SCN8A: variants seen among roughly 807,000 people sequenced by gnomAD.
The protein encoded by SCN8A is sodium channel protein type 8 subunit alpha.
Under a neutral mutation model 184.1 loss-of-function variants are expected in SCN8A, and 30 were observed. The ratio of observed to expected loss-of-function variants is 0.16; its 90% CI spans 0.12 to 0.22. SCN8A has a LOEUF of 0.22. Ranked by LOEUF, SCN8A falls within the 10% of genes least tolerant of loss-of-function variation. SCN8A has a pLI of 1.00. For synonymous variants in SCN8A, 852 were observed against 907.0 expected (o/e 0.94, Z 1.09); for missense variants, 1,057 against 2,498.9 (o/e 0.42, Z 12.30).
rs1197645974 is a variant in SCN8A, at chr12:51,645,965, AT to A, written c.-54-16798del. Among the ~76,000 whole-genome samples, 9 of 139,186 alleles carry A rather than the reference AT, an allele frequency of 6.5e-5. No individual in the cohort carries two copies. In the Middle Eastern group the frequency reaches 0.011, roughly 165 times the overall value. The allele number at this position is 139,186 out of a possible 152,430, so 91.3% of individuals were successfully genotyped here. On this transcript the variant is annotated intron_variant, in intron 1 of 26. Coordinates refer to ENST00000627620, the MANE Select transcript of SCN8A (RefSeq NM_001330260.2). ...AATGATCAATTAAAAAAAAAAAAAA[AT>A]AATAATAAAATAAAATTAAATAAAA...
intron 26 of SCN8A, among the ~76,000 whole-genome samples, chr12:51,795,071 G>C (rs2138920473): frequency 6.6e-6 from 1 of 152,292 alleles, no homozygotes; most frequent in East Asian, 1.9e-4. Flanking sequence ...TAGTGCTGCT[G>C]TTACTGGCAG....
In SCN8A at chr12:51,659,642, G is replaced by A. The variant is rs188656782; in HGVS notation, c.-54-3122G>A. 1.8e-4 allele frequency among the ~76,000 whole-genome samples: 28 copies of A among 152,256 alleles called. 2 individuals are homozygous for A. The East Asian group carries it at 5.2e-3, about 28-fold the overall frequency. On this transcript the variant is annotated intron_variant, in intron 1 of 26. Coordinates refer to ENST00000627620, the MANE Select transcript of SCN8A (RefSeq NM_001330260.2). Reference sequence around the variant, plus strand: ...GAGGGAGGGAAATGACTTAATGAAAGCAGATTTTTAGGGAAATGGATCCTT... The same window carrying A: ...GAGGGAGGGAAATGACTTAATGAAAACAGATTTTTAGGGAAATGGATCCTT...
At chr12:51,603,338 G>A (rs1939510276) in intron 1 of SCN8A, among the ~76,000 whole-genome samples, 1 of 152,136 alleles carries the variant, frequency 6.6e-6, no homozygotes, top group Non-Finnish European at 1.5e-5. Flanking sequence ...CCATGTTGTT[G>A]TATTTTTCAA....
intron 2 of SCN8A, among the ~76,000 whole-genome samples, chr12:51,674,706 G>A (rs1009607691): frequency 1.3e-5 from 2 of 152,208 alleles, no homozygotes; most frequent in South Asian, 2.1e-4. Context: ...AGTACTGTGT[G>A]ATAGCAGTGG....
chr12:51,628,716 C>T (rs1424081527), intron 1 of SCN8A, among the ~76,000 whole-genome samples: 5 of 152,180 alleles, frequency 3.3e-5, no homozygotes, highest in South Asian at 2.1e-4. Flanking sequence ...CAATTTGGTA[C>T]TTCCACCCTG....
intron 2 of SCN8A, among the ~76,000 whole-genome samples, chr12:51,679,185 A>C (rs1051897009): frequency 6.6e-6 from 1 of 152,116 alleles, no homozygotes; most frequent in Non-Finnish European, 1.5e-5. Flanking sequence ...GGAGGATTGC[A>C]TGAGGCCAGG....
At chr12:51,634,186 A>G (rs1377827136) in intron 1 of SCN8A, among the ~76,000 whole-genome samples, 2 of 152,238 alleles carry the variant, frequency 1.3e-5, no homozygotes, top group East Asian at 1.9e-4. Flanking sequence ...GAAAAATGCA[A>G]ATTTCAGGAT....
At chr12:51,595,502 G>A (rs895123828) in intron 1 of SCN8A, among the ~76,000 whole-genome samples, 2 of 152,178 alleles carry the variant, frequency 1.3e-5, no homozygotes, top group Non-Finnish European at 2.9e-5. Flanking sequence ...AATGTCAGAA[G>A]CAGTATGGGC....
At chr12:51,788,410 A>T (rs1168144555) in intron 22 of SCN8A, 2 of 223,942 alleles carry the variant, frequency 8.9e-6, no homozygotes, top group African/African-American at 4.6e-5. Flanking sequence ...GTTTTCCCTA[A>T]CTTTAGGCAG....
At chr12:51,642,699 C>G (rs952496795) in intron 1 of SCN8A, among the ~76,000 whole-genome samples, 2 of 151,614 alleles carry the variant, frequency 1.3e-5, no homozygotes, top group African/African-American at 4.9e-5. Context: ...TTTATCACCC[C>G]CATGGTTGAA....
At chr12:51,650,354 C>T (rs1225955623) in intron 1 of SCN8A, among the ~76,000 whole-genome samples, 1 of 152,116 alleles carries the variant, frequency 6.6e-6, no homozygotes, top group Admixed American at 6.5e-5. Context: ...CAGCAATGCC[C>T]CACTCTACTG....
At chr12:51,663,823 C>T (rs570787154) in intron 2 of SCN8A, among the ~76,000 whole-genome samples, 1 of 151,510 alleles carries the variant, frequency 6.6e-6, no homozygotes, top group South Asian at 2.1e-4. Context: ...AACAAAGCCT[C>T]CTGGGTGATC....
intron 20 of SCN8A, among the ~76,000 whole-genome samples, chr12:51,777,926 A>G (rs1174200583): frequency 3.3e-5 from 5 of 152,222 alleles, no homozygotes; most frequent in African/African-American, 9.6e-5. Context: ...TATACTTATT[A>G]AGGCCTCATG....
At chr12:51,774,052 G>C (rs1942970716) in intron 19 of SCN8A, 137 bp from the exon 20 acceptor site, 1 of 581,192 alleles carries the variant, frequency 1.7e-6, no homozygotes, top group East Asian at 2.9e-5. Flanking sequence ...AGCCTGTGTA[G>C]TCGGGGAGTA....
intron 7 of SCN8A, 80 bp from the exon 8 acceptor site, chr12:51,701,064 C>A: frequency 1.1e-6 from 1 of 894,412 alleles, no homozygotes; most frequent in Non-Finnish European, 1.8e-6. Context: ...TCTGCTGGGG[C>A]TAGTTAGGAA....
chr12:51,780,390 A>AT (rs1023451998), intron 20 of SCN8A: 3 of 348,642 alleles, frequency 8.6e-6, no homozygotes, highest in African/African-American at 2.2e-5. Flanking sequence ...CGCCTTCTCG[A>AT]TTTTCTCTTC....
At chr12:51,767,768 C>A (rs139287846) in intron 16 of SCN8A, among the ~76,000 whole-genome samples, 39 of 152,314 alleles carry the variant, frequency 2.6e-4, no homozygotes, top group African/African-American at 8.4e-4. Flanking sequence ...ATTTCTGTAG[C>A]CTAATCCAGA....
chr12:51,642,158 T>C (rs1940471043), intron 1 of SCN8A, among the ~76,000 whole-genome samples: 2 of 152,234 alleles, frequency 1.3e-5, no homozygotes, highest in Admixed American at 6.5e-5. Flanking sequence ...AGTTTTCCAC[T>C]TTCTCTTCCT....
chr12:51,617,057 G>C (rs1939856320), intron 1 of SCN8A, among the ~76,000 whole-genome samples: 1 of 151,762 alleles, frequency 6.6e-6, no homozygotes, highest in Non-Finnish European at 1.5e-5. Context: ...AGTTTTCATT[G>C]GTTTGATCAT....
Sources: allele counts gnomAD v4.1 joint callset (sites outside exome capture counted in the v4.1 genomes callset), GRCh38; gene constraint gnomAD v4.1.1; transcripts MANE v1.5; gene names NCBI Gene and HGNC (gene_info 2026-07-23, HGNC 2026-07-21).